ACOXL: variants seen among roughly 807,000 people sequenced by gnomAD.
The protein encoded by ACOXL is acyl-coenzyme A oxidase-like protein.
In ACOXL, 70 loss-of-function variants were observed where a neutral mutation model predicts 71.9. The ratio of observed to expected loss-of-function variants is 0.97; its 90% CI spans 0.80 to 1.19. The LOEUF is 1.19. Among genes scored for constraint, ACOXL ranks in the 50% most tolerant of loss-of-function variants. ACOXL has a pLI of 0.00. For synonymous variants in ACOXL, 253 were observed against 281.6 expected, an observed-to-expected ratio of 0.90 and a Z score of 1.02; for missense variants, 703 against 736.3, an observed-to-expected ratio of 0.95 and a Z score of 0.52.
chr2:111,111,230 G>C (rs1263882954), intron 17 of ACOXL, among the ~76,000 whole-genome samples: 1 of 152,028 alleles, frequency 6.6e-6, no homozygotes, highest in African/African-American at 2.4e-5. Flanking sequence ...CTCCCGCATA[G>C]CTAGGACTAT....
intron 10 of ACOXL, among the ~76,000 whole-genome samples, chr2:110,900,631 A>G (rs963154319): frequency 1.3e-5 from 2 of 152,198 alleles, no homozygotes; most frequent in Non-Finnish European, 2.9e-5. Context: ...AGGTGGGGAT[A>G]TGATGTTGAC....
At chr2:110,745,968 G>T (rs1308461825) in intron 1 of ACOXL, among the ~76,000 whole-genome samples, 1 of 152,148 alleles carries the variant, frequency 6.6e-6, no homozygotes, top group Non-Finnish European at 1.5e-5. Context: ...CTGTTAGTGT[G>T]TATCATTTTT....
intron 12 of ACOXL, among the ~76,000 whole-genome samples, chr2:110,954,126 C>A (rs747284948): frequency 6.6e-6 from 1 of 152,124 alleles, no homozygotes; most frequent in Non-Finnish European, 1.5e-5. Flanking sequence ...TAGTTGACTC[C>A]CTTTATCAAT....
At chr2:111,094,321 T>TA (rs1291891701) in intron 17 of ACOXL, 1 of 152,258 alleles carries the variant, frequency 6.6e-6, no homozygotes, top group Non-Finnish European at 1.5e-5. Flanking sequence ...ACTCCAAACT[T>TA]ACGACTTAAA....
chr2:111,011,261 G>T (rs2064139664), intron 14 of ACOXL, among the ~76,000 whole-genome samples: 1 of 152,102 alleles, frequency 6.6e-6, no homozygotes, highest in Non-Finnish European at 1.5e-5. Flanking sequence ...AAAGACTATA[G>T]ATTGTAATAT....
intron 16 of ACOXL, among the ~76,000 whole-genome samples, chr2:111,078,661 A>C (rs2067732827): frequency 6.6e-6 from 1 of 152,134 alleles, no homozygotes; most frequent in South Asian, 2.1e-4. Context: ...GGCTACTTTA[A>C]AGCTTTTGCC....
intron 17 of ACOXL, among the ~76,000 whole-genome samples, chr2:111,106,515 C>T (rs866312857): frequency 6.6e-6 from 1 of 152,168 alleles, no homozygotes; most frequent in Non-Finnish European, 1.5e-5. Flanking sequence ...CCCACTATCT[C>T]TGTCATGTTG....
chr2:110,809,798 A>G (rs945854211), intron 9 of ACOXL, among the ~76,000 whole-genome samples: 3 of 152,294 alleles, frequency 2.0e-5, no homozygotes, highest in East Asian at 1.9e-4. Flanking sequence ...AGAGCCAGCC[A>G]GGGTTGGTCA....
At chr2:111,055,605 C>T (rs905988720) in intron 16 of ACOXL, among the ~76,000 whole-genome samples, 20 of 152,314 alleles carry the variant, frequency 1.3e-4, no homozygotes, top group African/African-American at 4.6e-4. Flanking sequence ...AGGGGCTGCC[C>T]GTTGTGGCCA....
At chr2:110,817,549 CTG>C (rs1330723802) in intron 9 of ACOXL, among the ~76,000 whole-genome samples, 2 of 152,220 alleles carry the variant, frequency 1.3e-5, no homozygotes, top group East Asian at 1.9e-4. Flanking sequence ...GCTTGGGTAA[CTG>C]TGCTTCCTCT....
intron 10 of ACOXL, among the ~76,000 whole-genome samples, chr2:110,859,988 C>T (rs1693748186): frequency 6.6e-6 from 1 of 152,210 alleles, no homozygotes; most frequent in South Asian, 2.1e-4. Context: ...CCTGCCTACT[C>T]CCAACCCTGT....
At chr2:111,053,097 A>G (rs1473586687) in intron 16 of ACOXL, among the ~76,000 whole-genome samples, 1 of 152,186 alleles carries the variant, frequency 6.6e-6, no homozygotes, top group Non-Finnish European at 1.5e-5. Flanking sequence ...GTCCTCTTCC[A>G]GTAAAAGAGG....
At chr2:110,809,543 G>A (rs1687063774) in intron 9 of ACOXL, among the ~76,000 whole-genome samples, 1 of 152,204 alleles carries the variant, frequency 6.6e-6, no homozygotes, top group Non-Finnish European at 1.5e-5. Context: ...GAGAGCAAAG[G>A]GAAGAAACTG....
chr2:110,915,378 G>GTA (rs1553425937), intron 11 of ACOXL, among the ~76,000 whole-genome samples: 11 of 141,370 alleles, frequency 7.8e-5, no homozygotes, highest in Admixed American at 3.0e-4. Flanking sequence ...GTGTGTGTGT[G>GTA]TGTATGTATG....
At chr2:111,018,911 A>G (rs552871279) in intron 14 of ACOXL, among the ~76,000 whole-genome samples, 1 of 152,302 alleles carries the variant, frequency 6.6e-6, no homozygotes, top group South Asian at 2.1e-4. Context: ...GATTTTCCGC[A>G]TACTATACCC....
chr2:110,930,127 A>C (rs974790543), intron 11 of ACOXL, among the ~76,000 whole-genome samples: 5 of 152,204 alleles, frequency 3.3e-5, no homozygotes, highest in African/African-American at 1.2e-4. Flanking sequence ...AGCTGCACTC[A>C]CTGCCAGCTT....
chr2:111,000,550 C>T (rs922551531), intron 14 of ACOXL, among the ~76,000 whole-genome samples: 1 of 152,208 alleles, frequency 6.6e-6, no homozygotes, highest in Non-Finnish European at 1.5e-5. Flanking sequence ...TATTTTCTCA[C>T]AACTTTGGAG....
At position 111,031,647 on chromosome 2, in the gene ACOXL, T is replaced by C. The variant is rs909549818; in HGVS notation, c.1302T>C (p.Asp434=). The change falls in exon 15 of 18, where the codon GAT becomes GAC. Residue 434 remains aspartate, a synonymous_variant. Transcript: ENST00000439055. ...GACAGGTAAAGACCAAGAAGGAGGATTTTTTCCATGCCTGGAACTCGTGTC... is the reference window on the plus strand; with the variant it reads ...GACAGGTAAAGACCAAGAAGGAGGACTTTTTCCATGCCTGGAACTCGTGTC... ...IYYKVKTKKE[D]FFHAWNSCLH... The C allele has an allele frequency of 3.7e-6, 6 of 1,614,162 alleles. No homozygotes were observed. Among genetic ancestry groups the C allele is most frequent in the South Asian group, 1.1e-5 (1 of 91,082 alleles).
chr2:110,999,494 A>T (rs72834584), intron 14 of ACOXL, among the ~76,000 whole-genome samples: 13,368 of 152,180 alleles, frequency 0.088, 728 homozygotes, highest in East Asian at 0.22. Context: ...ATGAGCCTGT[A>T]TGTGCCAAAT....
Sources: allele counts gnomAD v4.1 joint callset (sites outside exome capture counted in the v4.1 genomes callset), GRCh38; gene constraint gnomAD v4.1.1; transcripts MANE v1.5; gene names NCBI Gene and HGNC (gene_info 2026-07-23, HGNC 2026-07-21).